MDGA2: variants seen among roughly 807,000 people sequenced by gnomAD.
MDGA2 encodes MAM domain containing glycosylphosphatidylinositol anchor 2.
MDGA2 carries 40 observed loss-of-function variants against 117.8 expected under a neutral mutation model. The observed-to-expected ratio is 0.34, with a 90% CI of 0.26 to 0.44. The LOEUF (loss-of-function observed/expected upper bound fraction) is 0.44, where lower values mean the gene tolerates loss of function less well. MDGA2 is among the 20% of genes least tolerant of loss of function. The pLI, the probability that MDGA2 is intolerant of heterozygous loss-of-function variation, is 1.00. For synonymous variants in MDGA2, 452 were observed against 439.0 expected, an observed-to-expected ratio of 1.03 and a Z score of -0.37; for missense variants, 1,123 against 1,250.6, an observed-to-expected ratio of 0.90 and a Z score of 1.54.
chr14:47,641,427 A>G (rs911327174), intron 1 of MDGA2, among the ~76,000 whole-genome samples: 1 of 152,080 alleles, frequency 6.6e-6, no homozygotes, highest in East Asian at 1.9e-4. Context: ...ACATGAGTCC[A>G]GGTCCAAATG....
chr14:47,358,982 G>A (rs373193028), intron 1 of MDGA2, among the ~76,000 whole-genome samples: 3 of 152,214 alleles, frequency 2.0e-5, no homozygotes, highest in Middle Eastern at 3.4e-3. Flanking sequence ...AATTTGCAGG[G>A]AACCACAAAA....
intron 3 of MDGA2, among the ~76,000 whole-genome samples, chr14:47,171,199 A>T (rs906192041): frequency 5.3e-5 from 8 of 152,110 alleles, no homozygotes; most frequent in African/African-American, 1.7e-4. Context: ...ATAATCTCTG[A>T]AGAGATTGTG....
intron 6 of MDGA2, among the ~76,000 whole-genome samples, chr14:47,092,797 GT>G (rs1294503236): frequency 6.6e-6 from 1 of 152,076 alleles, no homozygotes; most frequent in East Asian, 1.9e-4. Flanking sequence ...CTTGGGCTCT[GT>G]TTAGTTGGCT....
Position 47,471,272 on chromosome 14 carries a change from A to C in MDGA2, c.281-169722T>G, listed in dbSNP as rs186150262. Among the ~76,000 whole-genome samples the C allele has an allele frequency of 2.0e-5, 3 of 150,076 alleles. No homozygotes were observed. The East Asian group carries it at 5.9e-4, about 29-fold the overall frequency. On this transcript the variant is annotated intron_variant, in intron 1 of 16. Transcript: ENST00000399232. Reference sequence around the variant, plus strand: ...ATGGAGTTTTTTTTTTTTCACTGACAGACTCTGGATGTTGTCACCTTACCA... The same window carrying C: ...ATGGAGTTTTTTTTTTTTCACTGACCGACTCTGGATGTTGTCACCTTACCA...
chr14:46,920,575 T>C (rs965226467), intron 9 of MDGA2, among the ~76,000 whole-genome samples: 13 of 152,146 alleles, frequency 8.5e-5, no homozygotes, highest in Non-Finnish European at 1.2e-4. Context: ...ACCATAGGCA[T>C]GCAGATAGAA....
chr14:47,054,847 T>C (rs1466790460), intron 7 of MDGA2, among the ~76,000 whole-genome samples: 2 of 151,790 alleles, frequency 1.3e-5, no homozygotes, highest in African/African-American at 4.8e-5. Context: ...TATACAAAAA[T>C]TAATTCAAGA....
intron 1 of MDGA2, among the ~76,000 whole-genome samples, chr14:47,331,975 G>T (rs1384284162): frequency 6.6e-6 from 1 of 151,936 alleles, no homozygotes; most frequent in South Asian, 2.1e-4. Flanking sequence ...TTTAACCAAG[G>T]ATACAGAAAA....
chr14:46,885,733 T>C (rs904686456), intron 10 of MDGA2, among the ~76,000 whole-genome samples: 2 of 148,824 alleles, frequency 1.3e-5, no homozygotes, highest in African/African-American at 2.4e-5. Context: ...TCAGAGAAAA[T>C]GACTCATGAC....
intron 8 of MDGA2, among the ~76,000 whole-genome samples, chr14:47,010,475 C>G (rs570556112): frequency 4.3e-4 from 66 of 152,084 alleles, no homozygotes; most frequent in African/African-American, 1.5e-3. Flanking sequence ...CTGACATATT[C>G]CAATAAAGTA....
At chr14:47,476,058 T>A (rs904700220) in intron 1 of MDGA2, among the ~76,000 whole-genome samples, 2 of 152,142 alleles carry the variant, frequency 1.3e-5, no homozygotes, top group Non-Finnish European at 2.9e-5. Context: ...AAAAAATCAA[T>A]TTAAAATCAA....
At chr14:47,235,591 C>A (rs1886832025) in intron 2 of MDGA2, among the ~76,000 whole-genome samples, 2 of 152,072 alleles carry the variant, frequency 1.3e-5, no homozygotes, top group South Asian at 4.1e-4. Context: ...TTGAGAGGTG[C>A]AAGCTCAGGA....
chr14:47,072,840 T>C (rs979214298), intron 6 of MDGA2, among the ~76,000 whole-genome samples: 5 of 152,264 alleles, frequency 3.3e-5, no homozygotes, highest in African/African-American at 9.6e-5. Flanking sequence ...TATTGAGATA[T>C]TAAGGCACAA....
At chr14:47,508,758 C>A (rs144876436) in intron 1 of MDGA2, among the ~76,000 whole-genome samples, 2,526 of 152,296 alleles carry the variant, frequency 0.017, 34 homozygotes, top group Middle Eastern at 0.041. Flanking sequence ...CGGCTCACTG[C>A]AAGCTCCGCC....
intron 1 of MDGA2, among the ~76,000 whole-genome samples, chr14:47,569,803 T>G (rs1895985295): frequency 6.6e-6 from 1 of 152,204 alleles, no homozygotes; most frequent in South Asian, 2.1e-4. Context: ...TCATTTGTTG[T>G]TTTGTATTCC....
At chr14:46,846,187 G>T (rs1566488479) in intron 15 of MDGA2, among the ~76,000 whole-genome samples, 1 of 152,124 alleles carries the variant, frequency 6.6e-6, no homozygotes, top group South Asian at 2.1e-4. Context: ...AAGAAAAAAT[G>T]TTTTATTTGA....
chr14:47,045,517 A>G (rs970393193), intron 7 of MDGA2, among the ~76,000 whole-genome samples: 3 of 152,126 alleles, frequency 2.0e-5, no homozygotes, highest in Non-Finnish European at 4.4e-5. Flanking sequence ...CATGTGGAAA[A>G]CTTTTTTTTT....
intron 1 of MDGA2, among the ~76,000 whole-genome samples, chr14:47,598,754 G>A (rs1896592361): frequency 6.6e-6 from 1 of 152,134 alleles, no homozygotes; most frequent in Non-Finnish European, 1.5e-5. Flanking sequence ...AGATAGTGGT[G>A]ATGGTTGCAC....
Position 47,145,669 on chromosome 14 carries a change from T to G in MDGA2, c.596-1395A>C, listed in dbSNP as rs138165903. Among the ~76,000 whole-genome samples, 2 of 152,238 alleles carry G rather than the reference T, an allele frequency of 1.3e-5. 1 individual carries two copies. The highest frequency in any genetic ancestry group is 4.1e-4 in the South Asian group (2 of 4,828). ...GGTCTTCAATTTCCTTGTCAGCAGA[T>G]CGGAATGATAATGATACCATATTAT... On this transcript the variant is annotated intron_variant, in intron 3 of 16. Transcript: ENST00000399232.
Position 47,636,784 on chromosome 14 carries a change from C to CAAAAAAAAA in MDGA2, c.280+37724_280+37732dup, listed in dbSNP as rs56313968. Reference sequence around the variant, plus strand: ...TGGGCGACAGAGCGAGACTCCGTCTCAAAAAAAAAAAAAAAAAAAAAAAAA... The same window carrying CAAAAAAAAA: ...TGGGCGACAGAGCGAGACTCCGTCTCAAAAAAAAAAAAAAAAAAAAAAAAAAAAAAAAAA... On this transcript the variant is annotated intron_variant, in intron 1 of 16. Transcript: ENST00000399232. 2.4e-3 allele frequency among the ~76,000 whole-genome samples: 111 copies of CAAAAAAAAA among 45,994 alleles called. 11 individuals are homozygous for CAAAAAAAAA. Among genetic ancestry groups the CAAAAAAAAA allele is most frequent in the East Asian group, 6.2e-3 (8 of 1,290 alleles). 30.2% of individuals were successfully genotyped at this position (45,994 alleles called of 152,430 possible). A position where few individuals can be genotyped will look rare whatever the true frequency, so the allele number is the denominator to read the frequency against.
Sources: gnomAD v4.1 joint callset for allele counts (sites outside exome capture counted in the v4.1 genomes callset) on GRCh38, gnomAD v4.1.1 for gene constraint, MANE v1.5 for transcripts, NCBI Gene and HGNC (gene_info 2026-07-23, HGNC 2026-07-21) for gene names.